SEMA6D: variants seen among roughly 807,000 people sequenced by gnomAD.
SEMA6D encodes the protein semaphorin 6D.
In SEMA6D, 35 loss-of-function variants were observed where a neutral mutation model predicts 106.6. That is an observed-to-expected ratio of 0.33 (90% CI 0.25 to 0.44). SEMA6D has a LOEUF of 0.44. Among genes scored for constraint, SEMA6D ranks in the 20% least tolerant of loss-of-function variants. The pLI, the probability that SEMA6D is intolerant of heterozygous loss-of-function variation, is 1.00. For missense variants in SEMA6D, 1,185 were observed against 1,345.9 expected, an observed-to-expected ratio of 0.88 and a Z score of 1.87; for synonymous variants, 499 against 487.7, an observed-to-expected ratio of 1.02 and a Z score of -0.31.
At chr15:47,752,867 G>C (rs2081518932) in intron 1 of SEMA6D, among the ~76,000 whole-genome samples, 1 of 151,644 alleles carries the variant, frequency 6.6e-6, no homozygotes, top group African/African-American at 2.4e-5. Flanking sequence ...AAATTAGCTG[G>C]ACGTGGTGGT....
At chr15:47,223,252 A>G (rs1337404988) in intron 1 of SEMA6D, among the ~76,000 whole-genome samples, 1 of 152,124 alleles carries the variant, frequency 6.6e-6, no homozygotes, top group Non-Finnish European at 1.5e-5. Flanking sequence ...TTATCAATCT[A>G]TGTTAATAAT....
At chr15:47,602,475 A>G (rs952438548) in intron 4 of SEMA6D, among the ~76,000 whole-genome samples, 9 of 152,162 alleles carry the variant, frequency 5.9e-5, no homozygotes, top group African/African-American at 2.2e-4. Flanking sequence ...TGTTGTGTAT[A>G]CAAATAGATA....
intron 3 of SEMA6D, among the ~76,000 whole-genome samples, chr15:47,564,180 A>C (rs1247783632): frequency 6.6e-6 from 1 of 152,232 alleles, no homozygotes; most frequent in Non-Finnish European, 1.5e-5. Flanking sequence ...GCTCCTCTGA[A>C]AGATATTAAA....
intron 1 of SEMA6D, among the ~76,000 whole-genome samples, chr15:47,753,172 C>T (rs1364775965): frequency 6.6e-6 from 1 of 151,904 alleles, no homozygotes; most frequent in Admixed American, 6.6e-5. Context: ...CAGATCAGGG[C>T]CTTGAGGAAA....
At chr15:47,456,254 A>G (rs745627034) in intron 2 of SEMA6D, among the ~76,000 whole-genome samples, 5 of 151,928 alleles carry the variant, frequency 3.3e-5, no homozygotes, top group Admixed American at 6.6e-5. Context: ...GAGTCCATAC[A>G]CCTCCATGGT....
At chr15:47,267,109 A>T (rs2034355808) in intron 1 of SEMA6D, among the ~76,000 whole-genome samples, 1 of 152,048 alleles carries the variant, frequency 6.6e-6, no homozygotes, top group Admixed American at 6.6e-5. Context: ...ATCGTCACTG[A>T]ATCATTTGTT....
chr15:47,393,677 A>C (rs1193363343), intron 1 of SEMA6D, among the ~76,000 whole-genome samples: 2 of 152,206 alleles, frequency 1.3e-5, no homozygotes, highest in East Asian at 3.8e-4. Flanking sequence ...CAGCATAGCC[A>C]ACCTTAACAG....
intron 1 of SEMA6D, among the ~76,000 whole-genome samples, chr15:47,366,213 C>T (rs191387756): frequency 1.8e-3 from 277 of 152,276 alleles, no homozygotes; most frequent in South Asian, 3.7e-3. Flanking sequence ...GTATCATATG[C>T]GTCCCTATTG....
chr15:47,727,084 C>G (rs75872994), intron 1 of SEMA6D, among the ~76,000 whole-genome samples: 1 of 152,148 alleles, frequency 6.6e-6, no homozygotes, highest in Non-Finnish European at 1.5e-5. Flanking sequence ...CTTCCACTGT[C>G]GGTACTGTTG....
intron 3 of SEMA6D, among the ~76,000 whole-genome samples, chr15:47,549,933 A>G (rs1254761196): frequency 6.6e-6 from 1 of 152,214 alleles, no homozygotes; most frequent in African/African-American, 2.4e-5. Flanking sequence ...GACAAAGGTC[A>G]TTGGAAGTTG....
chr15:47,454,307 T>A (rs906210708), intron 2 of SEMA6D, among the ~76,000 whole-genome samples: 5 of 152,024 alleles, frequency 3.3e-5, no homozygotes, highest in African/African-American at 1.2e-4. Flanking sequence ...TGAATGTCGC[T>A]TAATTTCCAA....
intron 3 of SEMA6D, among the ~76,000 whole-genome samples, chr15:47,547,862 C>T (rs1265952095): frequency 1.3e-5 from 2 of 152,150 alleles, no homozygotes; most frequent in Admixed American, 6.5e-5. Flanking sequence ...TGGCTTTCAC[C>T]TACGCTAAGC....
intron 1 of SEMA6D, among the ~76,000 whole-genome samples, chr15:47,377,244 G>T (rs1265590548): frequency 6.6e-6 from 1 of 152,190 alleles, no homozygotes; most frequent in Admixed American, 6.5e-5. Context: ...TTTACATGGT[G>T]ATAATAAATT....
chr15:47,561,836 T>C (rs2046090666), intron 3 of SEMA6D, among the ~76,000 whole-genome samples: 4 of 151,838 alleles, frequency 2.6e-5, no homozygotes, highest in Admixed American at 1.3e-4. Context: ...GAGAGGAAGA[T>C]ATATTGGAGC....
intron 2 of SEMA6D, among the ~76,000 whole-genome samples, chr15:47,440,302 T>G (rs16959499): frequency 0.29 from 31,462 of 107,712 alleles, 3,944 homozygotes; most frequent in African/African-American, 0.49. Flanking sequence ...TCACCATCAG[T>G]AAAGCCAAAC....
chr15:47,597,810 T>A (rs59663882), intron 3 of SEMA6D, among the ~76,000 whole-genome samples: 26,023 of 150,478 alleles, frequency 0.17, 2,612 homozygotes, highest in African/African-American at 0.25. Flanking sequence ...TTGATGGATA[T>A]GAAATTAGCT....
At chr15:47,209,902 C>G (rs1170317012) in intron 1 of SEMA6D, among the ~76,000 whole-genome samples, 1 of 152,160 alleles carries the variant, frequency 6.6e-6, no homozygotes, top group Non-Finnish European at 1.5e-5. Context: ...CTATCAAGCC[C>G]TTAAAGTGGA....
At chr15:47,543,320 T>C (rs1380977178) in intron 3 of SEMA6D, among the ~76,000 whole-genome samples, 1 of 152,092 alleles carries the variant, frequency 6.6e-6, no homozygotes, top group East Asian at 1.9e-4. Flanking sequence ...GTGAAGATAA[T>C]TGAATCATGG....
intron 1 of SEMA6D, among the ~76,000 whole-genome samples, chr15:47,349,512 C>A (rs2038224663): frequency 1.3e-5 from 2 of 152,228 alleles, no homozygotes; most frequent in African/African-American, 4.8e-5. Flanking sequence ...CAGTGGTTCC[C>A]AGTAGTTCTG....
Sources: gnomAD v4.1 joint callset for allele counts (sites outside exome capture counted in the v4.1 genomes callset) on GRCh38, gnomAD v4.1.1 for gene constraint, MANE v1.5 for transcripts, NCBI Gene and HGNC (gene_info 2026-07-23, HGNC 2026-07-21) for gene names.